The following ZNF679 variants were observed in gnomAD, a reference collection of about 807,000 sequenced individuals.
ZNF679 encodes zinc finger protein 679, also known as hypothetical protein MGC42415.
Under a neutral mutation model 13.4 loss-of-function variants are expected in ZNF679, and 10 were observed. That is an observed-to-expected ratio of 0.75 (90% CI 0.46 to 1.27). The LOEUF is 1.27. Among genes scored for constraint, ZNF679 ranks in the 50% most tolerant of loss-of-function variants. ZNF679 has a pLI of 0.00. For synonymous variants in ZNF679, 179 were observed against 162.5 expected, an observed-to-expected ratio of 1.10 and a Z score of -0.77; for missense variants, 525 against 477.8, an observed-to-expected ratio of 1.10 and a Z score of -0.92.
intron 1 of ZNF679, among the ~76,000 whole-genome samples, chr7:64,242,859 G>A (rs777252314): frequency 2.6e-5 from 4 of 151,914 alleles, no homozygotes; most frequent in Non-Finnish European, 2.9e-5. Context: ...AGCAAGGTCC[G>A]GGTATAAGAG....
chr7:64,255,010 A>AAAG (rs1357764838), intron 2 of ZNF679, among the ~76,000 whole-genome samples: 7 of 150,290 alleles, frequency 4.7e-5, no homozygotes, highest in Admixed American at 1.3e-4. Context: ...AAAAAAAAAA[A>AAAG]AAAAAAAGAA....
intron 4 of ZNF679, among the ~76,000 whole-genome samples, chr7:64,264,855 G>A (rs1455249232): frequency 6.6e-6 from 1 of 151,742 alleles, no homozygotes; most frequent in Non-Finnish European, 1.5e-5. Flanking sequence ...GTATATCCTA[G>A]TTTGTTTAGC....
At chr7:64,261,098 C>T (rs1463001461) in intron 4 of ZNF679, among the ~76,000 whole-genome samples, 169 bp downstream of exon 4, 1 of 152,078 alleles carries the variant, frequency 6.6e-6, no homozygotes, top group African/African-American at 2.4e-5. Context: ...CCTTCTGCCC[C>T]ATGCTTTTAA....
chr7:64,260,775 C>A (rs1191565909), intron 3 of ZNF679, 59 bp from the exon 4 acceptor site: 15 of 1,513,558 alleles, frequency 9.9e-6, no homozygotes, highest in South Asian at 6.1e-5. Flanking sequence ...GCATAATACT[C>A]GTTTGGTAAT....
intron 1 of ZNF679, among the ~76,000 whole-genome samples, chr7:64,241,866 C>G (rs1207443768): frequency 6.6e-6 from 1 of 152,050 alleles, no homozygotes; most frequent in African/African-American, 2.4e-5. Flanking sequence ...GTACACTGGG[C>G]CAAGACAATA....
intron 1 of ZNF679, among the ~76,000 whole-genome samples, chr7:64,230,361 G>A (rs570183145): frequency 0.012 from 1,836 of 151,686 alleles, 15 homozygotes; most frequent in Non-Finnish European, 0.02. Context: ...GTGAAACCCC[G>A]TCTCTACTAA....
At chr7:64,265,397 A>C (rs1388211139) in intron 4 of ZNF679, among the ~76,000 whole-genome samples, 1 of 152,200 alleles carries the variant, frequency 6.6e-6, no homozygotes, top group Non-Finnish European at 1.5e-5. Context: ...CATGTACTAC[A>C]GTCTTTCTGC....
intron 4 of ZNF679, among the ~76,000 whole-genome samples, chr7:64,264,105 A>G (rs1274093352): frequency 6.6e-6 from 1 of 151,974 alleles, no homozygotes; most frequent in Non-Finnish European, 1.5e-5. Flanking sequence ...TAGTAAATGG[A>G]CTTATTTTAC....
chr7:64,231,077 C>G (rs1010667397), intron 1 of ZNF679, among the ~76,000 whole-genome samples: 2 of 152,096 alleles, frequency 1.3e-5, no homozygotes, highest in Admixed American at 1.3e-4. Flanking sequence ...TGTGCTGAGC[C>G]CTGTTATGAC....
chr7:64,260,200 G>T lies in ZNF679; in HGVS notation c.40-21G>T, dbSNP rs1429325213. The T allele has an allele frequency of 2.5e-6, 4 of 1,580,568 alleles. No homozygotes were observed. In the Admixed American group the frequency reaches 5.8e-5, roughly 23 times the overall value. ...TTTGTGTGTTCATGAGTGTTTTTTT[G>T]TTGTTGTTATTGTTTTTCAGGGACT... On this transcript the variant is annotated intron_variant, in intron 2 of 4. Coordinates refer to ENST00000421025, the MANE Select transcript of ZNF679 (RefSeq NM_153363.3).
intron 1 of ZNF679, among the ~76,000 whole-genome samples, chr7:64,248,561 T>C (rs1787898933): frequency 6.6e-6 from 1 of 152,194 alleles, no homozygotes; most frequent in African/African-American, 2.4e-5. Flanking sequence ...ATTACAGGCC[T>C]GAGCCCCCAC....
At chr7:64,238,443 A>T (rs1437986687) in intron 1 of ZNF679, among the ~76,000 whole-genome samples, 1 of 152,120 alleles carries the variant, frequency 6.6e-6, no homozygotes, top group Non-Finnish European at 1.5e-5. Flanking sequence ...GCTGGAGTGC[A>T]GTGGTGCGAT....
chr7:64,236,486 A>G (rs1166182942), intron 1 of ZNF679, among the ~76,000 whole-genome samples: 3 of 151,600 alleles, frequency 2.0e-5, no homozygotes, highest in East Asian at 2.0e-4. Flanking sequence ...AGAACCTGAT[A>G]TAAAAAGTCT....
At chr7:64,254,971 G>T (rs1787984237) in intron 2 of ZNF679, among the ~76,000 whole-genome samples, 2 of 134,202 alleles carry the variant, frequency 1.5e-5, no homozygotes, top group African/African-American at 5.5e-5. Flanking sequence ...CTGCACTCCA[G>T]CCTGGGCAAC....
rs1491361504 is a variant in ZNF679, at chr7:64,245,443, G to GA, written c.-90-3585_-90-3584insA. Among the ~76,000 whole-genome samples, 1,370 of 150,700 alleles carry GA rather than the reference G, an allele frequency of 9.1e-3. 14 individuals are homozygous for GA. The highest frequency in any genetic ancestry group is 0.021 in the African/African-American group (866 of 41,006). Reference sequence around the variant, plus strand: ...AGAAAGAGAGAGAGAGAGAGAGAGAGGGAGAGAGAGAGAGAGAGGGAGAGA... The same window carrying GA: ...AGAAAGAGAGAGAGAGAGAGAGAGAGAGGAGAGAGAGAGAGAGAGGGAGAGA... On this transcript the variant is annotated intron_variant, in intron 1 of 4. Transcript: ENST00000421025.
chr7:64,236,270 A>G (rs1199940767), intron 1 of ZNF679, among the ~76,000 whole-genome samples: 1 of 152,056 alleles, frequency 6.6e-6, no homozygotes, highest in Non-Finnish European at 1.5e-5. Context: ...GTCAAAAAAA[A>G]GGAGTAAATT....
At chr7:64,252,492 T>C (rs1787955620) in intron 2 of ZNF679, among the ~76,000 whole-genome samples, 1 of 152,232 alleles carries the variant, frequency 6.6e-6, no homozygotes, top group South Asian at 2.1e-4. Flanking sequence ...TGTTATTTTT[T>C]GGCTGTGTGA....
intron 4 of ZNF679, among the ~76,000 whole-genome samples, chr7:64,262,762 C>T (rs1439271886): frequency 6.6e-6 from 1 of 152,064 alleles, no homozygotes; most frequent in East Asian, 1.9e-4. Context: ...CTCTGTTTTT[C>T]ACGTGTGTTT....
At position 64,260,922 on chromosome 7, in the gene ZNF679, A is replaced by G; in HGVS notation, c.255A>G (p.Lys85=). 1 of 1,610,000 alleles carries G rather than the reference A, an allele frequency of 6.2e-7. No homozygotes were observed. The highest frequency in any genetic ancestry group is 8.5e-7 in the Non-Finnish European group (1 of 1,178,630). The change falls in exon 4 of 5, where the codon AAA becomes AAG. Residue 85 remains lysine (K), a synonymous_variant. Coordinates refer to ENST00000421025, the MANE Select transcript of ZNF679 (RefSeq NM_153363.3). ...TAAAGAGAAATGAGATGGTAACCAA[A>G]CACCCAGGTAAGTGAGAGTGGATGA... ...WNIKRNEMVT[K]HPVMCSHFTQ...
Sources: allele counts gnomAD v4.1 joint callset (sites outside exome capture counted in the v4.1 genomes callset), GRCh38; gene constraint gnomAD v4.1.1; transcripts MANE v1.5; gene names NCBI Gene and HGNC (gene_info 2026-07-23, HGNC 2026-07-21).